Variants in UXS1 observed in about 807,000 individuals in gnomAD.
UXS1 encodes the protein UDP-glucuronate decarboxylase 1, also known as UDP-glucuronic acid decarboxylase 1.
UXS1 carries 33 observed loss-of-function variants against 62.6 expected under a neutral mutation model. The ratio of observed to expected loss-of-function variants is 0.53; its 90% CI spans 0.40 to 0.70. The LOEUF is 0.70. Ranked by LOEUF, UXS1 falls within the 30% of genes least tolerant of loss-of-function variation. The pLI, the probability that UXS1 is intolerant of heterozygous loss-of-function variation, is 0.00. For missense variants in UXS1, 434 were observed against 556.3 expected, an observed-to-expected ratio of 0.78 and a Z score of 2.21; for synonymous variants, 213 against 206.8, an observed-to-expected ratio of 1.03 and a Z score of -0.26.
intron 7 of UXS1, among the ~76,000 whole-genome samples, chr2:106,128,406 C>T (rs1309191075): frequency 6.6e-6 from 1 of 152,174 alleles, no homozygotes; most frequent in African/African-American, 2.4e-5. Context: ...TCTGGTTGAA[C>T]ATTATGTCCG....
intron 3 of UXS1, among the ~76,000 whole-genome samples, 186 bp downstream of exon 3, chr2:106,164,550 C>T (rs1379594448): frequency 1.3e-5 from 2 of 152,160 alleles, no homozygotes; most frequent in African/African-American, 2.4e-5. Flanking sequence ...TGTTTTAATA[C>T]ATCAAAAATG....
chr2:106,096,200 G>GTA (rs1558667644), intron 14 of UXS1, among the ~76,000 whole-genome samples: 3 of 152,254 alleles, frequency 2.0e-5, no homozygotes, highest in East Asian at 3.9e-4. Context: ...GTGTGTGTGT[G>GTA]TGTGTATGTA....
chr2:106,097,156 C>A (rs944081004), intron 13 of UXS1: 1 of 482,096 alleles, frequency 2.1e-6, no homozygotes. Context: ...GTAACAAGTG[C>A]AGACGTGCCC....
At chr2:106,143,244 TA>T (rs1177327199) in intron 6 of UXS1, among the ~76,000 whole-genome samples, 5 of 150,328 alleles carry the variant, frequency 3.3e-5, no homozygotes, top group Admixed American at 1.3e-4. Context: ...CCGTCTCTAC[TA>T]AAAAATACAA....
intron 9 of UXS1, among the ~76,000 whole-genome samples, chr2:106,120,010 G>A (rs1679391297): frequency 6.6e-6 from 1 of 152,102 alleles, no homozygotes; most frequent in African/African-American, 2.4e-5. Context: ...ACCTGTCTCA[G>A]CTGTGAGGTG....
intron 9 of UXS1, among the ~76,000 whole-genome samples, chr2:106,121,850 C>T (rs1405060518): frequency 6.6e-6 from 1 of 152,156 alleles, no homozygotes; most frequent in African/African-American, 2.4e-5. Context: ...TCTCTCCTAC[C>T]CCTCAGAGAG....
chr2:106,097,048 C>T (rs1233038801), intron 13 of UXS1: 1 of 660,496 alleles, frequency 1.5e-6, no homozygotes, highest in Admixed American at 2.1e-5. Context: ...TGCAGGCGCC[C>T]AGCAAGAGCT....
intron 1 of UXS1, among the ~76,000 whole-genome samples, chr2:106,180,570 G>A (rs1684180464): frequency 6.6e-6 from 1 of 152,128 alleles, no homozygotes; most frequent in Non-Finnish European, 1.5e-5. Context: ...AGAAAATCAA[G>A]TACTTTCTGT....
At chr2:106,146,976 A>T (rs983508608) in intron 5 of UXS1, among the ~76,000 whole-genome samples, 3 of 152,002 alleles carry the variant, frequency 2.0e-5, no homozygotes, top group Admixed American at 6.6e-5. Context: ...AGCATGGTGA[A>T]ACCCCGTCTC....
intron 9 of UXS1, among the ~76,000 whole-genome samples, chr2:106,114,486 T>C (rs1175498585): frequency 2.6e-5 from 4 of 152,138 alleles, no homozygotes; most frequent in Admixed American, 2.6e-4. Context: ...GGAAAGAAAG[T>C]GAATGGATGT....
intron 1 of UXS1, among the ~76,000 whole-genome samples, chr2:106,166,752 G>C (rs1284986233): frequency 7.0e-6 from 1 of 143,300 alleles, no homozygotes; most frequent in Non-Finnish European, 1.5e-5. Flanking sequence ...ACCCAGTCTG[G>C]TCTCTAGTGA....
intron 5 of UXS1, among the ~76,000 whole-genome samples, chr2:106,157,094 G>A (rs1464285087): frequency 1.3e-5 from 2 of 152,146 alleles, no homozygotes; most frequent in Non-Finnish European, 2.9e-5. Context: ...ATTGGGGTGT[G>A]GAAGGCCTAA....
chr2:106,107,118 G>A (rs1314082944), intron 10 of UXS1, among the ~76,000 whole-genome samples: 4 of 152,160 alleles, frequency 2.6e-5, no homozygotes. Context: ...GGGCTGTGCT[G>A]CTGTCCTGCC....
intron 14 of UXS1, 78 bp from the exon 15 acceptor site, chr2:106,094,235 CAGGA>C: frequency 6.2e-7 from 1 of 1,600,714 alleles, no homozygotes; most frequent in Non-Finnish European, 8.5e-7. Flanking sequence ...TGCCACCTTG[CAGGA>C]AGGAAGTGCC....
At chr2:106,141,699 T>G (rs1426260835) in intron 6 of UXS1, among the ~76,000 whole-genome samples, 3 of 152,146 alleles carry the variant, frequency 2.0e-5, no homozygotes, top group Non-Finnish European at 4.4e-5. Flanking sequence ...TCTGCCTGCC[T>G]CAGCCTCCCA....
chr2:106,156,741 G>C (rs552670765), intron 5 of UXS1, among the ~76,000 whole-genome samples: 1 of 152,124 alleles, frequency 6.6e-6, no homozygotes, highest in African/African-American at 2.4e-5. Context: ...ATTGTTTAGG[G>C]AATAATAACC....
intron 6 of UXS1, among the ~76,000 whole-genome samples, chr2:106,143,782 C>T (rs1335686787): frequency 2.6e-5 from 4 of 152,318 alleles, no homozygotes; most frequent in Non-Finnish European, 2.9e-5. Flanking sequence ...AACACTCTCC[C>T]GCACATGGCT....
At chr2:106,158,477 A>G (rs1682635190) in intron 4 of UXS1, among the ~76,000 whole-genome samples, 1 of 152,232 alleles carries the variant, frequency 6.6e-6, no homozygotes. Context: ...CCTTTGCAGA[A>G]TTGTAATAAT....
chr2:106,146,550 A>G (rs927571805), intron 5 of UXS1, among the ~76,000 whole-genome samples: 2 of 152,000 alleles, frequency 1.3e-5, no homozygotes, highest in African/African-American at 4.8e-5. Context: ...AGGCCGAGAC[A>G]GGTGGATCAC....
Sources: gnomAD v4.1 joint callset for allele counts (sites outside exome capture counted in the v4.1 genomes callset) on GRCh38, gnomAD v4.1.1 for gene constraint, MANE v1.5 for transcripts, NCBI Gene and HGNC (gene_info 2026-07-23, HGNC 2026-07-21) for gene names.